NOL8: variants seen among roughly 807,000 people sequenced by gnomAD.
NOL8 encodes the protein nucleolar protein 8.
Under a neutral mutation model 116.1 loss-of-function variants are expected in NOL8, and 93 were observed. That is an observed-to-expected ratio of 0.80 (90% CI 0.68 to 0.95). NOL8 has a LOEUF of 0.95. Ranked by LOEUF, NOL8 falls within the 40% of genes least tolerant of loss-of-function variation. The pLI is 0.00. For synonymous variants in NOL8, 419 were observed against 469.0 expected (o/e 0.89, Z 1.38); for missense variants, 1,291 against 1,382.8 (o/e 0.93, Z 1.05).
intron 4 of NOL8, chr9:92,320,054 A>G: frequency 2.2e-6 from 1 of 455,994 alleles, no homozygotes; most frequent in South Asian, 1.5e-5. Flanking sequence ...GGCATTTTAT[A>G]TTATCTTCTC....
In NOL8 at chr9:92,303,330, C is replaced by T. The variant is rs549198290; in HGVS notation, c.2904-1508G>A. ...AGGCTACTGCCTACTTATGTCTGAA[C>T]TGCAAGTTAAGGAATTTTTTTTATC... On this transcript the variant is annotated intron_variant, in intron 12 of 16. Transcript: ENST00000442668. Among the ~76,000 whole-genome samples the T allele has an allele frequency of 7.9e-5, 12 of 152,216 alleles. No homozygotes were observed. In the South Asian group the frequency reaches 2.3e-3, roughly 29 times the overall value.
chr9:92,319,876 G>T, intron 4 of NOL8: 1 of 363,900 alleles, frequency 2.7e-6, no homozygotes. Context: ...GAGCATGAGG[G>T]TTCTTTTCTT....
intron 4 of NOL8, 98 bp downstream of exon 4, chr9:92,321,567 TAAG>T: frequency 1.4e-6 from 1 of 695,166 alleles, no homozygotes; most frequent in East Asian, 3.0e-5. Context: ...TTGAATTTGT[TAAG>T]AATATAATAC....
At chr9:92,301,025 AGG>A (rs1837695841) in intron 13 of NOL8, among the ~76,000 whole-genome samples, 1 of 152,154 alleles carries the variant, frequency 6.6e-6, no homozygotes, top group African/African-American at 2.4e-5. Flanking sequence ...TGGCCTTTAG[AGG>A]TAAGCCTCTT....
chr9:92,298,737 C>A (rs1471764796), intron 15 of NOL8, 147 bp downstream of exon 15: 1 of 506,494 alleles, frequency 2.0e-6, no homozygotes, highest in Non-Finnish European at 3.5e-6. Context: ...CAGACCTTGA[C>A]AGCTTTACAA....
chr9:92,306,812 G>T, intron 11 of NOL8, 74 bp downstream of exon 11: 2 of 1,449,890 alleles, frequency 1.4e-6, no homozygotes, highest in Non-Finnish European at 1.9e-6. Context: ...AAGAGACCTA[G>T]TTTTAAATTG....
chr9:92,318,741 TAATAAC>T, intron 5 of NOL8, 55 bp from the exon 6 acceptor site: 1 of 1,144,488 alleles, frequency 8.7e-7, no homozygotes, highest in Non-Finnish European at 1.2e-6. Flanking sequence ...GGAAAAGATT[TAATAAC>T]AATATTAGGT....
At chr9:92,321,840 C>T (rs1477724106) in intron 3 of NOL8, 94 bp from the exon 4 acceptor site, 1 of 654,288 alleles carries the variant, frequency 1.5e-6, no homozygotes, top group Non-Finnish European at 2.5e-6. Flanking sequence ...GAAAAGCAGG[C>T]TTGTTTATCA....
Position 92,311,231 on chromosome 9 carries a change from T to G in NOL8, c.2387A>C (p.His796Pro), listed in dbSNP as rs745692311. 6.2e-7 allele frequency: 1 copy of G among 1,613,824 alleles called. No individual in the cohort carries two copies. Among genetic ancestry groups the G allele is most frequent in the South Asian group, 1.1e-5 (1 of 91,060 alleles). Residue 796 changes from histidine (H) to proline (P), a missense_variant, in exon 8 of 17, where the codon CAC becomes CCC. His to Pro is a moderately conservative substitution (Grantham distance 77). Coordinates refer to ENST00000442668, the MANE Select transcript of NOL8 (RefSeq NM_017948.6). ...LDGHPEDKPT[H>P]IIFGSDSECE... ...TTCACTGTCAGAACCGAAGATGATG[T>G]GCGTTGGCTTATCCTCTGGATGACC...
intron 7 of NOL8, among the ~76,000 whole-genome samples, chr9:92,313,984 T>G (rs1020951049): frequency 6.6e-6 from 1 of 152,262 alleles, no homozygotes; most frequent in Non-Finnish European, 1.5e-5. Context: ...CAGTAAATCT[T>G]GGCAAGACTT....
chr9:92,300,305 T>A (rs773694031), intron 13 of NOL8: 70 of 1,002,690 alleles, frequency 7.0e-5, no homozygotes, highest in Non-Finnish European at 8.1e-5. Context: ...CTATATAATT[T>A]TTAAAAATGA....
intron 1 of NOL8, chr9:92,324,824 G>A (rs1267215721): frequency 6.6e-6 from 1 of 152,206 alleles, no homozygotes; most frequent in African/African-American, 2.4e-5. Flanking sequence ...TTTGCTATGT[G>A]CCTGCATTGT....
chr9:92,324,566 A>C (rs1840275290), intron 1 of NOL8: 3 of 154,494 alleles, frequency 1.9e-5, no homozygotes, highest in Admixed American at 6.5e-5. Flanking sequence ...AGTCTGACAG[A>C]AACAGGATGT....
At chr9:92,302,210 A>G (rs1479557014) in intron 12 of NOL8, among the ~76,000 whole-genome samples, 4 of 152,206 alleles carry the variant, frequency 2.6e-5, no homozygotes, top group Admixed American at 2.0e-4. Flanking sequence ...CTTCTAAGAT[A>G]CTGGGAATTT....
At chr9:92,320,408 C>G (rs942176686) in intron 4 of NOL8, 1 of 300,636 alleles carries the variant, frequency 3.3e-6, no homozygotes, top group Non-Finnish European at 6.6e-6. Context: ...TATAACCACC[C>G]TGTTCACAGT....
Position 92,300,813 on chromosome 9 carries a change from C to CAA in NOL8, c.3175+737_3175+738insTT. On this transcript the variant is annotated intron_variant, in intron 13 of 16. Transcript: ENST00000442668. ...AGCCTGGGTGACAGAGACTCTGTCT[C>CAA]CAAAAAAAAAAAAAAAATTATTTTA... is the stretch of plus-strand genomic sequence containing the variant. 1.0e-5 allele frequency: 10 copies of CAA among 955,106 alleles called. No homozygotes were observed. The East Asian group carries it at 2.5e-4, about 24-fold the overall frequency. The allele number at this position is 955,106 out of a possible 1,614,324, so 59.2% of individuals were successfully genotyped here.
At chr9:92,299,293 G>T (rs535044102) in intron 14 of NOL8, among the ~76,000 whole-genome samples, 2 of 152,274 alleles carry the variant, frequency 1.3e-5, no homozygotes, top group East Asian at 1.9e-4. Flanking sequence ...CCTCCCATGG[G>T]TAGGCACCCA....
chr9:92,313,670 GAA>G (rs1162509264), intron 7 of NOL8, among the ~76,000 whole-genome samples: 3 of 152,142 alleles, frequency 2.0e-5, no homozygotes, highest in African/African-American at 4.8e-5. Flanking sequence ...TTCCTAGAAT[GAA>G]AGCCTTTCCA....
chr9:92,308,002 A>G (rs1838430150), intron 10 of NOL8, among the ~76,000 whole-genome samples: 1 of 152,230 alleles, frequency 6.6e-6, no homozygotes, highest in African/African-American at 2.4e-5. Context: ...TAATCTAATA[A>G]GCATTAGGGA....
Sources: gnomAD v4.1 joint callset for allele counts (sites outside exome capture counted in the v4.1 genomes callset) on GRCh38, gnomAD v4.1.1 for gene constraint, MANE v1.5 for transcripts, NCBI Gene and HGNC (gene_info 2026-07-23, HGNC 2026-07-21) for gene names.